PARD3B: variants seen among roughly 807,000 people sequenced by gnomAD.
The protein encoded by PARD3B is par-3 family cell polarity regulator beta.
A neutral mutation model predicts 130.2 loss-of-function variants in PARD3B; 103 were observed. The ratio of observed to expected loss-of-function variants is 0.79; its 90% CI spans 0.67 to 0.93. The LOEUF (loss-of-function observed/expected upper bound fraction) is 0.93. Ranked by LOEUF, PARD3B falls within the 40% of genes least tolerant of loss-of-function variation. The pLI, the probability that PARD3B is intolerant of heterozygous loss-of-function variation, is 0.00. For missense variants in PARD3B, 1,609 were observed against 1,499.2 expected, an observed-to-expected ratio of 1.07 and a Z score of -1.21; for synonymous variants, 583 against 553.2, an observed-to-expected ratio of 1.05 and a Z score of -0.76.
intron 1 of PARD3B, among the ~76,000 whole-genome samples, chr2:204,639,034 G>C (rs541848622): frequency 8.7e-4 from 132 of 152,242 alleles, no homozygotes; most frequent in Middle Eastern, 3.4e-3. Flanking sequence ...ATCCCAGCCT[G>C]CTCTCACTGA....
intron 15 of PARD3B, among the ~76,000 whole-genome samples, chr2:205,238,422 AT>A (rs2039166328): frequency 6.6e-6 from 1 of 152,194 alleles, no homozygotes; most frequent in East Asian, 1.9e-4. Context: ...CCAGGGCAAC[AT>A]AGCAAGATCC....
intron 14 of PARD3B, among the ~76,000 whole-genome samples, chr2:205,192,638 C>T (rs1306005761): frequency 1.3e-5 from 2 of 152,182 alleles, no homozygotes; most frequent in Non-Finnish European, 2.9e-5. Context: ...CAACTGTGCT[C>T]TTCCTATTAT....
In PARD3B at chr2:205,252,847, C is replaced by A. The variant is rs986505257; in HGVS notation, c.2185+7025C>A. On this transcript the variant is annotated intron_variant, in intron 16 of 22. Transcript: ENST00000406610. The stretch of plus-strand genomic sequence containing the variant: ...GTAGGAACCTGAAGGGACCCCCCCC[C>A]CCCACCAAAAAAAAAAAAAAAGGAG... 8.0e-5 allele frequency among the ~76,000 whole-genome samples: 11 copies of A among 137,854 alleles called. 1 individual carries two copies. Among genetic ancestry groups the A allele is most frequent in the South Asian group, 2.5e-4 (1 of 4,004 alleles). 90.4% of individuals were successfully genotyped at this position (137,854 alleles called of 152,430 possible).
intron 18 of PARD3B, among the ~76,000 whole-genome samples, chr2:205,372,438 T>G (rs1470214685): frequency 1.3e-5 from 2 of 152,182 alleles, no homozygotes; most frequent in Non-Finnish European, 2.9e-5. Flanking sequence ...ACTTTGAATT[T>G]TTTCTCTTGT....
chr2:205,150,333 C>T (rs1036398375), intron 10 of PARD3B, among the ~76,000 whole-genome samples: 2 of 150,380 alleles, frequency 1.3e-5, no homozygotes, highest in Non-Finnish European at 3.0e-5. Flanking sequence ...TCTAGATGTG[C>T]CACTGCTTGG....
intron 13 of PARD3B, among the ~76,000 whole-genome samples, chr2:205,182,937 A>G (rs761414179): frequency 1.6e-4 from 24 of 152,200 alleles, no homozygotes; most frequent in Non-Finnish European, 3.2e-4. Context: ...AGCAGCCCAC[A>G]TTCCATTTGC....
At chr2:205,123,897 G>T (rs878862377) in intron 8 of PARD3B, among the ~76,000 whole-genome samples, 1 of 152,148 alleles carries the variant, frequency 6.6e-6, no homozygotes, top group Admixed American at 6.5e-5. Context: ...ACAATGGGAT[G>T]CAGCAGTACA....
At position 205,325,761 on chromosome 2, in the gene PARD3B, T is replaced by C. The variant is rs979740282; in HGVS notation, c.2630+24060T>C. Among the ~76,000 whole-genome samples the C allele has an allele frequency of 2.6e-5, 4 of 152,160 alleles. No homozygotes were observed. The East Asian group carries it at 7.7e-4, about 29-fold the overall frequency. The stretch of plus-strand genomic sequence containing the variant: ...AGATAAGTAATTTTACTGGTGTCAC[T>C]TTGGAGGTAACTGGCTTCAGATAAG... On this transcript the variant is annotated intron_variant, in intron 18 of 22. Transcript: ENST00000406610. The surrounding 1 kb of genome is among the most constrained non-coding windows in gnomAD (Gnocchi z 4.1).
chr2:204,545,771 A>C lies in PARD3B; in HGVS notation c.-229A>C. 4.8e-6 allele frequency: 2 copies of C among 414,596 alleles called. No homozygotes were observed. Among genetic ancestry groups the C allele is most frequent in the East Asian group, 4.2e-5 (1 of 23,562 alleles). The allele number at this position is 414,596 out of a possible 1,614,324, so 25.7% of individuals were successfully genotyped here. On this transcript the variant is annotated 5_prime_UTR_variant, in exon 1 of 23. Coordinates refer to ENST00000406610, the MANE Select transcript of PARD3B (RefSeq NM_001302769.2). Reference sequence around the variant, plus strand: ...GCTGCCGCGTCCCGGGCCGCCGGGCACCTGGGAGGTAACCCCTTTCCGCGG... The same window carrying C: ...GCTGCCGCGTCCCGGGCCGCCGGGCCCCTGGGAGGTAACCCCTTTCCGCGG...
chr2:204,922,251 A>G (rs1429981783), intron 2 of PARD3B, among the ~76,000 whole-genome samples: 1 of 152,128 alleles, frequency 6.6e-6, no homozygotes. Flanking sequence ...ATAAAGCAAA[A>G]AGAGAAGCAA....
Position 205,550,745 on chromosome 2 carries a change from G to T in PARD3B, c.3181-2579G>T, listed in dbSNP as rs2052578525. 6.6e-6 allele frequency among the ~76,000 whole-genome samples: 1 copy of T among 151,056 alleles called. No individual in the cohort carries two copies. Among genetic ancestry groups the T allele is most frequent in the African/African-American group, 2.4e-5 (1 of 41,074 alleles). On this transcript the variant is annotated intron_variant, in intron 21 of 22. Coordinates refer to ENST00000406610, the MANE Select transcript of PARD3B (RefSeq NM_001302769.2). The surrounding 1 kb of genome is among the most constrained non-coding windows in gnomAD (Gnocchi z 4.5). ...TGTTGGGTATATTTCATAGGTGTGT[G>T]TATGTATACTATATATAAATACATA... is the stretch of plus-strand genomic sequence containing the variant.
chr2:205,586,228 C>A (rs1343804293), intron 22 of PARD3B, among the ~76,000 whole-genome samples: 1 of 152,174 alleles, frequency 6.6e-6, no homozygotes, highest in Non-Finnish European at 1.5e-5. Context: ...AAAGCCAATT[C>A]TCAGTTCAAG....
chr2:205,328,318 T>C lies in PARD3B; in HGVS notation c.2630+26617T>C, dbSNP rs536315631. 2.0e-5 allele frequency among the ~76,000 whole-genome samples: 3 copies of C among 152,332 alleles called. No homozygotes were observed. In the East Asian group the frequency reaches 5.8e-4, roughly 29 times the overall value. On this transcript the variant is annotated intron_variant, in intron 18 of 22. Transcript: ENST00000406610. ...TCACCTTAGCCTTGTAAGCTTTAGA[T>C]GTTGCTAATGTTATGGTAATAACTG...
At chr2:204,909,913 C>G (rs1332159566) in intron 2 of PARD3B, among the ~76,000 whole-genome samples, 2 of 152,004 alleles carry the variant, frequency 1.3e-5, no homozygotes, top group African/African-American at 4.8e-5. Flanking sequence ...GGAAGTCATT[C>G]CAAATAGAAG....
chr2:205,406,659 CTTTTTTTTTTTTTTT>C (rs777517284), intron 19 of PARD3B, among the ~76,000 whole-genome samples: 1 of 87,426 alleles, frequency 1.1e-5, no homozygotes, highest in South Asian at 4.0e-4. Context: ...TCTTGTGTAT[CTTTTTTTTTTTTTTT>C]TTTTTTTTTT....
At chr2:205,427,717 A>G (rs1054472822) in intron 19 of PARD3B, among the ~76,000 whole-genome samples, 2 of 152,206 alleles carry the variant, frequency 1.3e-5, no homozygotes, top group Admixed American at 1.3e-4. Context: ...CATATAGCAA[A>G]TTAAATAAAA....
chr2:205,266,848 CT>C (rs2040522881), intron 16 of PARD3B, among the ~76,000 whole-genome samples: 1 of 152,196 alleles, frequency 6.6e-6, no homozygotes, highest in East Asian at 1.9e-4. Context: ...GGTTTTCAGA[CT>C]CAGGTTGAGG....
intron 20 of PARD3B, among the ~76,000 whole-genome samples, chr2:205,476,896 G>A (rs1013359097): frequency 6.6e-6 from 1 of 152,202 alleles, no homozygotes; most frequent in South Asian, 2.1e-4. Flanking sequence ...TTGACATTTT[G>A]TATTCAAAAA....
At chr2:205,535,759 G>A (rs115246465) in intron 21 of PARD3B, among the ~76,000 whole-genome samples, 49 of 152,284 alleles carry the variant, frequency 3.2e-4, no homozygotes, top group African/African-American at 1.1e-3. Flanking sequence ...CTGCTTTGCT[G>A]CAATTCCTCA....
Sources: gnomAD v4.1 joint callset for allele counts (sites outside exome capture counted in the v4.1 genomes callset) on GRCh38, gnomAD v4.1.1 for gene constraint, Gnocchi (gnomAD v3.1) non-coding constraint, MANE v1.5 for transcripts, NCBI Gene and HGNC (gene_info 2026-07-23, HGNC 2026-07-21) for gene names.